TBC1D5: variants seen among roughly 807,000 people sequenced by gnomAD.
The protein encoded by TBC1D5 is TBC1 domain family member 5.
TBC1D5 carries 75 observed loss-of-function variants against 100.3 expected under a neutral mutation model. That is an observed-to-expected ratio of 0.75 (90% CI 0.62 to 0.91). TBC1D5 has a LOEUF of 0.91. Ranked by LOEUF, TBC1D5 falls within the 40% of genes least tolerant of loss-of-function variation. The probability of loss-of-function intolerance (pLI) is 0.00; values close to 1 mark genes in which losing one functional copy is unlikely to be tolerated. For synonymous variants in TBC1D5, 323 were observed against 325.6 expected (o/e 0.99, Z 0.09); for missense variants, 910 against 942.4 (o/e 0.97, Z 0.45).
intron 13 of TBC1D5, among the ~76,000 whole-genome samples, chr3:17,350,468 C>CT (rs757889679): frequency 3.3e-5 from 5 of 152,120 alleles, no homozygotes; most frequent in Non-Finnish European, 7.4e-5. Context: ...ACATTATATA[C>CT]TTTTTTATTT....
At chr3:17,522,576 A>C (rs879558013) in intron 2 of TBC1D5, among the ~76,000 whole-genome samples, 12 of 152,164 alleles carry the variant, frequency 7.9e-5, no homozygotes, top group Non-Finnish European at 1.6e-4. Context: ...ACAATTCTAT[A>C]AACTCTACAT....
At chr3:17,532,596 A>T (rs528013128) in intron 2 of TBC1D5, among the ~76,000 whole-genome samples, 1 of 152,318 alleles carries the variant, frequency 6.6e-6, no homozygotes, top group East Asian at 1.9e-4. Context: ...CAAATGTCCA[A>T]CAATGATAGA....
intron 1 of TBC1D5, chr3:17,706,112 G>A (rs2074122191): frequency 1.2e-6 from 2 of 1,606,044 alleles, no homozygotes; most frequent in Non-Finnish European, 8.5e-7. Flanking sequence ...CCTCGAAGGT[G>A]AAGTCCAGCA....
rs1391518489 is a variant in TBC1D5, at chr3:17,336,737, C to T, written c.996-28603G>A. Among the ~76,000 whole-genome samples, 3 of 150,204 alleles carry T rather than the reference C, an allele frequency of 2.0e-5. No individual in the cohort carries two copies. The East Asian group carries it at 5.9e-4, about 29-fold the overall frequency. Reference sequence around the variant, plus strand: ...AAAAAAAAAAGATAAAAATCCAAAACAAAAACACAACCCAAAAAACTCCAA... The same window carrying T: ...AAAAAAAAAAGATAAAAATCCAAAATAAAAACACAACCCAAAAAACTCCAA... On this transcript the variant is annotated intron_variant, in intron 13 of 21. Transcript: ENST00000253692.
chr3:17,733,187 T>C (rs1476236847), intron 1 of TBC1D5, among the ~76,000 whole-genome samples: 1 of 152,182 alleles, frequency 6.6e-6, no homozygotes, highest in African/African-American at 2.4e-5. Flanking sequence ...TGCTTCCCCA[T>C]TCCTACCTCT....
intron 1 of TBC1D5, among the ~76,000 whole-genome samples, chr3:17,675,013 CTA>C (rs1380160729): frequency 6.6e-6 from 1 of 151,960 alleles, no homozygotes; most frequent in Non-Finnish European, 1.5e-5. Flanking sequence ...AACTTACTAT[CTA>C]TATGTTTTTG....
chr3:17,720,064 T>C lies in TBC1D5; in HGVS notation c.-101+19279A>G, dbSNP rs1242495219. ...AGTTTTGCATCACGAGTGTCTAAAGTAAATCAAGAAAATTAAAACACTTAA... is the reference window on the plus strand; with the variant it reads ...AGTTTTGCATCACGAGTGTCTAAAGCAAATCAAGAAAATTAAAACACTTAA... On this transcript the variant is annotated intron_variant, in intron 1 of 21. Coordinates refer to ENST00000253692, the Ensembl canonical transcript of TBC1D5. Among the ~76,000 whole-genome samples the C allele has an allele frequency of 2.0e-5, 3 of 152,200 alleles. No individual in the cohort carries two copies. In the East Asian group the frequency reaches 5.8e-4, roughly 29 times the overall value.
At chr3:17,306,181 C>T (rs551148758) in intron 14 of TBC1D5, among the ~76,000 whole-genome samples, 65 of 152,270 alleles carry the variant, frequency 4.3e-4, no homozygotes, top group African/African-American at 1.5e-3. Context: ...TTGCCAACAC[C>T]TGCACAATTT....
At chr3:17,166,675 T>TA in intron 21 of TBC1D5, 92 bp downstream of exon 22, 1 of 1,504,348 alleles carries the variant, frequency 6.6e-7, no homozygotes, top group Non-Finnish European at 8.9e-7. Context: ...TAATTTGAAG[T>TA]AACTTTGGTA....
chr3:17,580,735 TAAC>T (rs1381443132), intron 2 of TBC1D5, among the ~76,000 whole-genome samples: 1 of 152,166 alleles, frequency 6.6e-6, no homozygotes, highest in East Asian at 1.9e-4. Context: ...TGTCCATCTT[TAAC>T]TTCACCTATA....
intron 5 of TBC1D5, 113 bp downstream of exon 5, chr3:17,406,305 A>T (rs2093767950): frequency 1.2e-6 from 1 of 834,282 alleles, no homozygotes; most frequent in Non-Finnish European, 1.9e-6. Flanking sequence ...AAATAATGGG[A>T]GTGAAGTCTC....
At chr3:17,215,802 T>C (rs1426052815) in intron 17 of TBC1D5, among the ~76,000 whole-genome samples, 1 of 152,110 alleles carries the variant, frequency 6.6e-6, no homozygotes, top group Non-Finnish European at 1.5e-5. Context: ...ATCAAGTAGA[T>C]AATAAGAGAT....
chr3:17,174,458 TC>T (rs2067497032), intron 19 of TBC1D5, among the ~76,000 whole-genome samples: 2 of 152,180 alleles, frequency 1.3e-5, no homozygotes. Context: ...CTTTAGGTAT[TC>T]CTGAAGAGGT....
chr3:17,645,986 A>G (rs1185107250), intron 1 of TBC1D5, among the ~76,000 whole-genome samples: 1 of 152,116 alleles, frequency 6.6e-6, no homozygotes, highest in Non-Finnish European at 1.5e-5. Context: ...TGAAAGATGT[A>G]TCAATGTTCT....
intron 14 of TBC1D5, among the ~76,000 whole-genome samples, chr3:17,302,970 T>C (rs959141635): frequency 6.6e-6 from 1 of 152,166 alleles, no homozygotes; most frequent in Admixed American, 6.5e-5. Context: ...TTGACACCAG[T>C]GATTTATTTG....
intron 3 of TBC1D5, among the ~76,000 whole-genome samples, chr3:17,482,801 T>C (rs2095516225): frequency 6.6e-6 from 1 of 152,258 alleles, no homozygotes; most frequent in Middle Eastern, 3.4e-3. Flanking sequence ...ATGATCTCCT[T>C]CTGTTTCTGT....
At chr3:17,435,645 C>G (rs949580147) in intron 3 of TBC1D5, among the ~76,000 whole-genome samples, 1 of 152,178 alleles carries the variant, frequency 6.6e-6, no homozygotes, top group Admixed American at 6.5e-5. Flanking sequence ...ATTATGGGAA[C>G]TACAATTCAA....
exon 1 of TBC1D5, chr3:17,740,539 G>C (rs959955338): frequency 3.3e-5 from 5 of 152,030 alleles, no homozygotes; most frequent in Non-Finnish European, 7.4e-5. Flanking sequence ...AAAATTAAAA[G>C]TACAACCATT....
At chr3:17,565,780 T>G (rs377107347) in intron 2 of TBC1D5, among the ~76,000 whole-genome samples, 7 of 152,040 alleles carry the variant, frequency 4.6e-5, no homozygotes, top group Admixed American at 4.6e-4. Flanking sequence ...TTGAAAAACT[T>G]TGCCAAAGGA....
Sources: allele counts gnomAD v4.1 joint callset (sites outside exome capture counted in the v4.1 genomes callset), GRCh38; gene constraint gnomAD v4.1.1; transcripts MANE v1.5; gene names NCBI Gene and HGNC (gene_info 2026-07-23, HGNC 2026-07-21).